Variants in SLC4A4 observed in about 807,000 individuals in gnomAD.
SLC4A4 encodes solute carrier family 4 member 4, also known as electrogenic sodium bicarbonate cotransporter 1.
A neutral mutation model predicts 111.5 loss-of-function variants in SLC4A4; 27 were observed. The observed-to-expected ratio is 0.24, with a 90% CI of 0.18 to 0.33. SLC4A4 has a LOEUF of 0.33. Among genes scored for constraint, SLC4A4 ranks in the 10% least tolerant of loss-of-function variants. The pLI is 1.00. For synonymous variants in SLC4A4, 443 were observed against 463.4 expected (o/e 0.96, Z 0.57); for missense variants, 909 against 1,315.5 (o/e 0.69, Z 4.78).
At chr4:71,327,035 C>A (rs1432427015) in intron 3 of SLC4A4, among the ~76,000 whole-genome samples, 1 of 151,924 alleles carries the variant, frequency 6.6e-6, no homozygotes, top group African/African-American at 2.4e-5. Context: ...ATGTGAAATC[C>A]AGAAGTCCTC....
intron 2 of SLC4A4, among the ~76,000 whole-genome samples, chr4:71,158,057 A>G (rs2602092): frequency 6.6e-6 from 1 of 151,512 alleles, no homozygotes; most frequent in East Asian, 1.9e-4. Flanking sequence ...GGAAAAGACC[A>G]ATTAAAAAAT....
At chr4:71,219,115 T>C (rs938287598) in intron 1 of SLC4A4, among the ~76,000 whole-genome samples, 10 of 152,178 alleles carry the variant, frequency 6.6e-5, no homozygotes, top group African/African-American at 2.4e-4. Context: ...AGCACGTCTC[T>C]CACTTTAAGT....
chr4:71,311,956 C>A (rs1423104589), intron 3 of SLC4A4, among the ~76,000 whole-genome samples: 1 of 114,560 alleles, frequency 8.7e-6, no homozygotes, highest in East Asian at 2.4e-4. Context: ...ACACGAAAAA[C>A]CCTTCAAAAA....
rs570113178 is a variant in SLC4A4, at chr4:71,237,006, G to T, written c.73+357G>T. ...TCGATTTATATAAATATATTCAGCA[G>T]CATCTTTAATATTCTTTCTTGTAGC... On this transcript the variant is annotated intron_variant, in intron 2 of 25. Transcript: ENST00000264485. 1.2e-4 allele frequency among the ~76,000 whole-genome samples: 19 copies of T among 152,314 alleles called. 1 individual carries two copies. The highest frequency in any genetic ancestry group is 4.3e-4 in the African/African-American group (18 of 41,568).
At chr4:71,373,782 C>T (rs936604619) in intron 6 of SLC4A4, among the ~76,000 whole-genome samples, 3 of 151,936 alleles carry the variant, frequency 2.0e-5, no homozygotes, top group Admixed American at 6.6e-5. Context: ...GCTAGGATTG[C>T]GACTGTGGAA....
chr4:71,510,154 T>A (rs770062394), intron 16 of SLC4A4, among the ~76,000 whole-genome samples: 1 of 152,132 alleles, frequency 6.6e-6, no homozygotes, highest in African/African-American at 2.4e-5. Context: ...CTGGTGGCTA[T>A]GGGGATTTCT....
At chr4:71,277,168 A>G (rs1723131464) in intron 3 of SLC4A4, among the ~76,000 whole-genome samples, 1 of 152,204 alleles carries the variant, frequency 6.6e-6, no homozygotes, top group Non-Finnish European at 1.5e-5. Context: ...CAGTAGTACA[A>G]TTGCTTGGTC....
intron 1 of SLC4A4, among the ~76,000 whole-genome samples, chr4:71,193,206 C>G (rs1379302479): frequency 6.6e-6 from 1 of 152,212 alleles, no homozygotes; most frequent in African/African-American, 2.4e-5. Flanking sequence ...GTCGCCCAGG[C>G]TGGAGTGCGG....
intron 1 of SLC4A4, among the ~76,000 whole-genome samples, chr4:71,213,439 G>C (rs1167564095): frequency 1.3e-5 from 2 of 152,176 alleles, no homozygotes; most frequent in Non-Finnish European, 2.9e-5. Context: ...TGGTGGGCTT[G>C]AAAGCAGGGG....
intron 8 of SLC4A4, among the ~76,000 whole-genome samples, chr4:71,444,070 G>A (rs1336052323): frequency 1.3e-5 from 2 of 152,194 alleles, no homozygotes; most frequent in Non-Finnish European, 2.9e-5. Context: ...TGTTTTGAGA[G>A]AAGGATATAA....
chr4:71,545,242 C>G (rs576495505), intron 18 of SLC4A4, among the ~76,000 whole-genome samples: 1 of 152,056 alleles, frequency 6.6e-6, no homozygotes, highest in South Asian at 2.1e-4. Flanking sequence ...ATGATTAGAT[C>G]CATGTGCGTG....
chr4:71,417,781 C>G (rs886934908), intron 7 of SLC4A4, among the ~76,000 whole-genome samples: 6 of 152,086 alleles, frequency 3.9e-5, no homozygotes, highest in African/African-American at 1.4e-4. Context: ...GTATAAAAGG[C>G]TCTGGTATTT....
At chr4:71,205,792 A>G (rs1717726208) in intron 1 of SLC4A4, among the ~76,000 whole-genome samples, 1 of 152,070 alleles carries the variant, frequency 6.6e-6, no homozygotes, top group African/African-American at 2.4e-5. Context: ...GAAAGATCAG[A>G]AAGTGCAATG....
chr4:71,358,351 A>G (rs886224420), intron 6 of SLC4A4, among the ~76,000 whole-genome samples: 31 of 151,972 alleles, frequency 2.0e-4, no homozygotes, highest in Non-Finnish European at 2.8e-4. Context: ...ATGAGTAGAT[A>G]AGGGAGATTC....
At chr4:71,143,586 T>G (rs1744073149) in intron 2 of SLC4A4, among the ~76,000 whole-genome samples, 1 of 152,216 alleles carries the variant, frequency 6.6e-6, no homozygotes, top group Non-Finnish European at 1.5e-5. Flanking sequence ...GTGTTCCCAT[T>G]TCTCCACATC....
chr4:71,176,285 G>C (rs1396137797), intron 2 of SLC4A4, among the ~76,000 whole-genome samples: 2 of 152,226 alleles, frequency 1.3e-5, no homozygotes, highest in Non-Finnish European at 2.9e-5. Flanking sequence ...TCCTCCTCCA[G>C]AGGAATGCAG....
chr4:71,145,384 T>A (rs1350971581), intron 2 of SLC4A4, among the ~76,000 whole-genome samples: 5 of 152,242 alleles, frequency 3.3e-5, no homozygotes, highest in African/African-American at 1.2e-4. Context: ...TCAATGTTTA[T>A]CAAGGATATT....
intron 16 of SLC4A4, among the ~76,000 whole-genome samples, chr4:71,527,407 T>C (rs188250479): frequency 6.6e-6 from 1 of 152,098 alleles, no homozygotes; most frequent in Non-Finnish European, 1.5e-5. Flanking sequence ...TATTCCGAAG[T>C]TTTAGGTCTG....
intron 3 of SLC4A4, chr4:71,301,380 C>T: frequency 5.2e-6 from 1 of 192,028 alleles, no homozygotes; most frequent in Non-Finnish European, 1.1e-5. Flanking sequence ...GGACTGGTGG[C>T]CCTTGAAGCC....
Sources: gnomAD v4.1 joint callset for allele counts (sites outside exome capture counted in the v4.1 genomes callset) on GRCh38, gnomAD v4.1.1 for gene constraint, MANE v1.5 for transcripts, NCBI Gene and HGNC (gene_info 2026-07-23, HGNC 2026-07-21) for gene names.